The following LUC7L variants were observed in gnomAD, a reference collection of about 807,000 sequenced individuals.
LUC7L encodes the protein putative RNA-binding protein Luc7-like 1.
Under a neutral mutation model 51.1 loss-of-function variants are expected in LUC7L, and 29 were observed. The ratio of observed to expected loss-of-function variants is 0.57; its 90% confidence interval spans 0.42 to 0.77. LUC7L has a LOEUF of 0.77. Ranked by LOEUF, LUC7L falls within the 30% of genes least tolerant of loss-of-function variation. The pLI, the probability that LUC7L is intolerant of heterozygous loss-of-function variation, is 0.00. For missense variants in LUC7L, 403 were observed against 511.9 expected (o/e 0.79, Z 2.05); for synonymous variants, 181 against 180.7 (o/e 1.00, Z -0.01).
chr16:215,873 C>T (rs2049781245), intron 3 of LUC7L, among the ~76,000 whole-genome samples: 1 of 151,916 alleles, frequency 6.6e-6, no homozygotes, highest in African/African-American at 2.4e-5. Context: ...CCACACCCAG[C>T]TAATTTTCTA....
intron 1 of LUC7L, chr16:228,694 AACCT>A (rs2050187533): frequency 8.3e-7 from 1 of 1,205,258 alleles, no homozygotes; most frequent in Non-Finnish European, 1.1e-6. Context: ...TACACAGTAC[AACCT>A]ACCTAACGAC....
Position 203,613 on chromosome 16 carries a change from C to T in LUC7L, c.510+2391G>A, listed in dbSNP as rs188293601. The stretch of plus-strand genomic sequence containing the variant: ...GTCCTAGCTATTTGAAAGGCTGAGG[C>T]GGGAGAATCAAATGAGCCCAGGAGA... On this transcript the variant is annotated intron_variant, in intron 5 of 9. Coordinates refer to ENST00000293872, the MANE Select transcript of LUC7L (RefSeq NM_201412.3). Among the ~76,000 whole-genome samples, 322 of 151,338 alleles carry T rather than the reference C, an allele frequency of 2.1e-3. 6 individuals carry two copies. The highest frequency in any genetic ancestry group is 0.019 in the Admixed American group (293 of 15,028).
At chr16:216,409 G>C (rs1042363425) in intron 3 of LUC7L, among the ~76,000 whole-genome samples, 1 of 134,602 alleles carries the variant, frequency 7.4e-6, no homozygotes, top group African/African-American at 2.8e-5. Context: ...TTGAGACGGA[G>C]TCTCGCTCGG....
chr16:193,260 C>A (rs2049059196), intron 6 of LUC7L, among the ~76,000 whole-genome samples: 1 of 151,376 alleles, frequency 6.6e-6, no homozygotes, highest in South Asian at 2.1e-4. Context: ...TATTCTTCTG[C>A]CTCGGCCTCC....
chr16:203,144 T>C (rs746377484), intron 5 of LUC7L, among the ~76,000 whole-genome samples: 17 of 151,678 alleles, frequency 1.1e-4, no homozygotes, highest in Non-Finnish European at 2.2e-4. Context: ...AGAGACTCCG[T>C]GTAAAAAAAA....
At chr16:228,536 A>T in intron 1 of LUC7L, 1 of 1,209,716 alleles carries the variant, frequency 8.3e-7, no homozygotes. Flanking sequence ...AAGTGCAAAT[A>T]ATCTGCACAG....
intron 6 of LUC7L, among the ~76,000 whole-genome samples, chr16:193,961 G>A (rs1171449818): frequency 4.0e-5 from 6 of 151,476 alleles, no homozygotes; most frequent in Non-Finnish European, 5.9e-5. Context: ...CCGGCACTGC[G>A]CCCGGCTAAT....
At position 193,010 on chromosome 16, in the gene LUC7L, A is replaced by G; in HGVS notation, c.693T>C (p.Thr231=). ...IREKLDQLRK[T]VAEKQEKRNQ... ...TTCTCTTCTCCTGCTTTTCAGCGACAGTTTTCTAAATAAATGAAACAAAAA... is the reference window on the plus strand; with the variant it reads ...TTCTCTTCTCCTGCTTTTCAGCGACGGTTTTCTAAATAAATGAAACAAAAA... Residue 231 remains threonine, a synonymous_variant, in exon 7 of 10, where the codon ACT becomes ACC. Transcript: ENST00000293872. 6.2e-7 allele frequency: 1 copy of G among 1,612,530 alleles called. No individual in the cohort carries two copies. The highest frequency in any genetic ancestry group is 8.5e-7 in the Non-Finnish European group (1 of 1,179,798).
intron 9 of LUC7L, 105 bp downstream of exon 9, chr16:189,863 G>C (rs1331757374): frequency 2.0e-6 from 3 of 1,504,824 alleles, no homozygotes; most frequent in African/African-American, 2.8e-5. Flanking sequence ...ACTCCTGAGG[G>C]TGAGCCCAGC....
At chr16:193,279 TGGGATTACA>T (rs1424869373) in intron 6 of LUC7L, among the ~76,000 whole-genome samples, 1 of 151,192 alleles carries the variant, frequency 6.6e-6, no homozygotes, top group African/African-American at 2.4e-5. Context: ...CCCAAGTAGC[TGGGATTACA>T]GGCACATGCC....
chr16:229,416 T>C lies in LUC7L; in HGVS notation c.-77A>G, dbSNP rs1244598161. The C allele has an allele frequency of 4.1e-5, 54 of 1,316,756 alleles. No homozygotes were observed. Among genetic ancestry groups the C allele is most frequent in the Non-Finnish European group, 5.0e-5 (50 of 994,286 alleles). 81.6% of individuals were successfully genotyped at this position (1,316,756 alleles called of 1,614,324 possible). A position where few individuals can be genotyped will look rare whatever the true frequency, so the allele number is the denominator to read the frequency against. On this transcript the variant is annotated 5_prime_UTR_variant, in exon 1 of 10. Transcript: ENST00000293872. ...CGGTGGCAGCGGCGTCGACAAACGA[T>C]GGTCGCGTCGGCCTCGAGCCCACTC...
intron 2 of LUC7L, among the ~76,000 whole-genome samples, chr16:223,403 T>C (rs935841892): frequency 1.3e-5 from 2 of 152,122 alleles, no homozygotes; most frequent in South Asian, 2.1e-4. Context: ...CGTGGCATAC[T>C]CACTAACAAA....
chr16:228,690 G>A (rs2050187314), intron 1 of LUC7L: 3 of 1,204,210 alleles, frequency 2.5e-6, no homozygotes, highest in South Asian at 1.5e-5. Context: ...TCCCTACACA[G>A]TACAACCTAC....
At chr16:229,126 A>G in intron 1 of LUC7L, 153 bp downstream of exon 1, 2 of 1,406,090 alleles carry the variant, frequency 1.4e-6, no homozygotes, top group Non-Finnish European at 1.8e-6. Context: ...GGCTTAGACA[A>G]AGGCCCGGCG....
chr16:208,169 G>A lies in LUC7L; in HGVS notation c.275C>T (p.Ser92Phe). 6.2e-7 allele frequency: 1 copy of A among 1,612,690 alleles called. No homozygotes were observed. The highest frequency in any genetic ancestry group is 8.5e-7 in the Non-Finnish European group (1 of 1,179,160). ...TCTCCGATCACATTCAGCAATAAAG[G>A]ACTCCAAGTGATCCATTGCCTAGCA... Reference protein sequence around the residue: ...FELDAMDHLESFIAECDRRTE... With the variant: ...FELDAMDHLEFFIAECDRRTE... Residue 92 changes from serine to phenylalanine, a missense_variant, in exon 4 of 10, where the codon TCC (serine) becomes TTC (phenylalanine). Ser to Phe is a radical substitution (Grantham distance 155). Transcript: ENST00000293872.
chr16:199,291 A>C, intron 5 of LUC7L, 53 bp from the exon 6 acceptor site: 7 of 1,113,054 alleles, frequency 6.3e-6, no homozygotes, highest in South Asian at 1.6e-5. Flanking sequence ...CTGCCACCAC[A>C]AATTCAATCT....
rs2142053083 is a variant in LUC7L at position 198,970 on chromosome 16, ACGCC to A, written c.687+88_687+91del. The A allele has an allele frequency of 2.3e-6, 3 of 1,314,494 alleles. No homozygotes were observed. The South Asian group carries it at 5.0e-5, about 22-fold the overall frequency. 81.4% of individuals were successfully genotyped at this position (1,314,494 alleles called of 1,614,324 possible). On this transcript the variant is annotated intron_variant, in intron 6 of 9. Coordinates refer to ENST00000293872, the MANE Select transcript of LUC7L (RefSeq NM_201412.3). ...GCTGGGATTATAGGCATCAGCCACC[ACGCC>A]CGGCCAAAACATAAGGTTTTTAAAA... is the stretch of plus-strand genomic sequence containing the variant.
chr16:193,083 A>G, intron 6 of LUC7L, 68 bp from the exon 7 acceptor site: 1 of 1,218,202 alleles, frequency 8.2e-7, no homozygotes, highest in Non-Finnish European at 1.2e-6. Flanking sequence ...GCTACTTAAC[A>G]AATCACCTTT....
At chr16:206,971 G>A (rs1047875409) in intron 4 of LUC7L, among the ~76,000 whole-genome samples, 78 of 151,350 alleles carry the variant, frequency 5.2e-4, no homozygotes, top group African/African-American at 1.7e-3. Flanking sequence ...AAAACGAGGC[G>A]GGCAGATCAC....
Sources: gnomAD v4.1 joint callset for allele counts (sites outside exome capture counted in the v4.1 genomes callset) on GRCh38, gnomAD v4.1.1 for gene constraint, MANE v1.5 for transcripts, NCBI Gene and HGNC (gene_info 2026-07-23, HGNC 2026-07-21) for gene names.